Variants in EXOC6B observed in about 807,000 individuals in gnomAD.
The protein encoded by EXOC6B is exocyst complex component 6B.
Under a neutral mutation model 113.5 loss-of-function variants are expected in EXOC6B, and 54 were observed. The observed-to-expected ratio is 0.48, with a 90% CI of 0.38 to 0.60. The LOEUF (loss-of-function observed/expected upper bound fraction) is 0.60, where lower values mean the gene tolerates loss of function less well. EXOC6B is among the 20% of genes least tolerant of loss of function. The pLI is 0.00. For synonymous variants in EXOC6B, 357 were observed against 339.0 expected, an observed-to-expected ratio of 1.05 and a Z score of -0.58; for missense variants, 797 against 977.5, an observed-to-expected ratio of 0.82 and a Z score of 2.46.
intron 6 of EXOC6B, among the ~76,000 whole-genome samples, chr2:72,664,572 GCA>G (rs949516492): frequency 6.6e-6 from 1 of 152,202 alleles, no homozygotes; most frequent in Non-Finnish European, 1.5e-5. Context: ...GGAGTTTTGT[GCA>G]CAGAGCAGCT....
At chr2:72,513,337 AC>A in intron 10 of EXOC6B, 85 bp from the exon 11 acceptor site, 1 of 1,505,242 alleles carries the variant, frequency 6.6e-7, no homozygotes, top group Middle Eastern at 2.0e-4. Context: ...ATTAAGAGAT[AC>A]CATCAAATGC....
chr2:72,191,507 GTTGTT>G (rs1003661722), intron 20 of EXOC6B, among the ~76,000 whole-genome samples: 4 of 152,180 alleles, frequency 2.6e-5, no homozygotes, highest in African/African-American at 7.2e-5. Context: ...TGTTGTTGTT[GTTGTT>G]TTGTTTTGTT....
At chr2:72,672,558 A>G (rs1394424410) in intron 6 of EXOC6B, among the ~76,000 whole-genome samples, 2 of 150,026 alleles carry the variant, frequency 1.3e-5, no homozygotes, top group East Asian at 1.9e-4. Context: ...AAAAAAAAAA[A>G]AAAAAAGAAA....
At position 72,465,224 on chromosome 2, in the gene EXOC6B, C is replaced by A. The variant is rs762944459; in HGVS notation, c.1916G>T (p.Ser639Ile). The A allele has an allele frequency of 6.2e-7, 1 of 1,611,720 alleles. No individual in the cohort carries two copies. The highest frequency in any genetic ancestry group is 1.3e-5 in the African/African-American group (1 of 74,934). Residue 639 changes from serine (S) to isoleucine (I), a missense_variant, in exon 18 of 22, where the codon AGT (serine) becomes ATT (isoleucine). By Grantham distance (142) the Ser-to-Ile change is moderately radical. Transcript: ENST00000272427. ...WMTGDLGNKA[S>I]DYLVDLIAFL... Reference sequence around the variant, plus strand: ...GGCAATGAGGTCTACCAGGTAATCACTAGCTTTGTTGCCCAAATCTCCGGT... The same window carrying A: ...GGCAATGAGGTCTACCAGGTAATCAATAGCTTTGTTGCCCAAATCTCCGGT...
chr2:72,409,809 T>C lies in EXOC6B; in HGVS notation c.1981-29939A>G, dbSNP rs551921657. 5.9e-5 allele frequency among the ~76,000 whole-genome samples: 9 copies of C among 152,242 alleles called. No homozygotes were observed. The South Asian group carries it at 1.9e-3, about 32-fold the overall frequency. On this transcript the variant is annotated intron_variant, in intron 18 of 21. Coordinates refer to ENST00000272427, the MANE Select transcript of EXOC6B (RefSeq NM_015189.3). Reference sequence around the variant, plus strand: ...GTGCAGCACACCAAGATGGCACATGTATACATATGTAACAAACCTGCACGT... The same window carrying C: ...GTGCAGCACACCAAGATGGCACATGCATACATATGTAACAAACCTGCACGT...
intron 20 of EXOC6B, among the ~76,000 whole-genome samples, chr2:72,285,049 A>G (rs116758997): frequency 4.6e-5 from 7 of 152,088 alleles, no homozygotes; most frequent in African/African-American, 1.4e-4. Context: ...GTTCTTTCCA[A>G]CTTGATCTAT....
chr2:72,681,011 A>G (rs368665186), intron 6 of EXOC6B, among the ~76,000 whole-genome samples: 24 of 152,274 alleles, frequency 1.6e-4, no homozygotes, highest in African/African-American at 4.6e-4. Flanking sequence ...GGAATCTTCA[A>G]TCTTCACACA....
At chr2:72,751,098 T>C (rs66509842) in intron 1 of EXOC6B, among the ~76,000 whole-genome samples, 32,736 of 151,788 alleles carry the variant, frequency 0.22, 5,785 homozygotes, top group African/African-American at 0.49. Flanking sequence ...ACCCAAAATA[T>C]CTGAGACAGG....
chr2:72,686,694 A>G (rs1214130993), intron 6 of EXOC6B, among the ~76,000 whole-genome samples: 1 of 152,226 alleles, frequency 6.6e-6, no homozygotes, highest in Non-Finnish European at 1.5e-5. Context: ...CATGCAAGCC[A>G]TAATAAGTAT....
intron 18 of EXOC6B, among the ~76,000 whole-genome samples, chr2:72,381,525 C>A (rs954655492): frequency 6.6e-6 from 1 of 152,068 alleles, no homozygotes; most frequent in African/African-American, 2.4e-5. Context: ...ATGAATCTAG[C>A]AGGCTTTAAA....
At chr2:72,761,319 T>G (rs1573753010) in intron 1 of EXOC6B, among the ~76,000 whole-genome samples, 1 of 152,176 alleles carries the variant, frequency 6.6e-6, no homozygotes, top group Admixed American at 6.5e-5. Flanking sequence ...TCTACACAGG[T>G]GAACTCTAAA....
chr2:72,511,126 A>G (rs1284810828), intron 11 of EXOC6B, among the ~76,000 whole-genome samples: 1 of 152,136 alleles, frequency 6.6e-6, no homozygotes, highest in Non-Finnish European at 1.5e-5. Context: ...AAAGTTCTGT[A>G]TACTATAACA....
chr2:72,255,694 G>T (rs6709493), intron 20 of EXOC6B, among the ~76,000 whole-genome samples: 37,062 of 152,034 alleles, frequency 0.24, 8,147 homozygotes, highest in African/African-American at 0.59. Flanking sequence ...TTGCCCCAGG[G>T]TGCATCATAC....
intron 20 of EXOC6B, among the ~76,000 whole-genome samples, chr2:72,270,942 A>T (rs1266290654): frequency 6.6e-6 from 1 of 152,160 alleles, no homozygotes; most frequent in Non-Finnish European, 1.5e-5. Context: ...TGCTCTTTGA[A>T]TCTTCTTTGT....
At chr2:72,697,373 G>A (rs1020707919) in intron 6 of EXOC6B, among the ~76,000 whole-genome samples, 9 of 152,058 alleles carry the variant, frequency 5.9e-5, no homozygotes, top group Non-Finnish European at 1.0e-4. Context: ...ACTAGGTCAT[G>A]TAGTAAAGCT....
chr2:72,515,882 G>T, intron 8 of EXOC6B: 1 of 276,690 alleles, frequency 3.6e-6, no homozygotes, highest in Non-Finnish European at 5.5e-6. Context: ...GACCTTAATA[G>T]AGTATGTCTG....
At chr2:72,577,721 C>A (rs1704963076) in intron 6 of EXOC6B, among the ~76,000 whole-genome samples, 1 of 151,234 alleles carries the variant, frequency 6.6e-6, no homozygotes, top group Admixed American at 6.6e-5. Flanking sequence ...CCATGAAAAT[C>A]AAAAAAAGAA....
chr2:72,564,104 A>G (rs925768720), intron 7 of EXOC6B, among the ~76,000 whole-genome samples: 1 of 152,168 alleles, frequency 6.6e-6, no homozygotes, highest in South Asian at 2.1e-4. Flanking sequence ...GGAATACACT[A>G]TAAGAAAAGA....
chr2:72,568,425 G>A (rs1369808912), intron 7 of EXOC6B, among the ~76,000 whole-genome samples: 1 of 152,006 alleles, frequency 6.6e-6, no homozygotes, highest in Non-Finnish European at 1.5e-5. Flanking sequence ...GTAGAAGAAT[G>A]TCATTGTCAG....
Sources: allele counts gnomAD v4.1 joint callset (sites outside exome capture counted in the v4.1 genomes callset), GRCh38; gene constraint gnomAD v4.1.1; transcripts MANE v1.5; gene names NCBI Gene and HGNC (gene_info 2026-07-23, HGNC 2026-07-21).